Variants in PALM2AKAP2 observed in about 807,000 individuals in gnomAD.
PALM2AKAP2 encodes PALM2-AKAP2 fusion protein.
Under a neutral mutation model 71.5 loss-of-function variants are expected in PALM2AKAP2, and 37 were observed. The observed-to-expected ratio is 0.52, with a 90% CI of 0.40 to 0.68. The LOEUF (loss-of-function observed/expected upper bound fraction) is 0.68. Among genes scored for constraint, PALM2AKAP2 ranks in the 30% least tolerant of loss-of-function variants. The pLI is 0.00. For missense variants in PALM2AKAP2, 1,224 were observed against 1,191.8 expected, an observed-to-expected ratio of 1.03 and a Z score of -0.40; for synonymous variants, 468 against 478.8, an observed-to-expected ratio of 0.98 and a Z score of 0.29.
intron 1 of PALM2AKAP2, among the ~76,000 whole-genome samples, chr9:109,806,083 G>A (rs1587924265): frequency 1.3e-5 from 2 of 152,268 alleles, no homozygotes; most frequent in Non-Finnish European, 2.9e-5. Context: ...CTGTTAACAT[G>A]ACTTTATTAT....
At chr9:109,843,046 A>AGGAGAC (rs1419437433) in intron 1 of PALM2AKAP2, among the ~76,000 whole-genome samples, 1 of 148,200 alleles carries the variant, frequency 6.7e-6, no homozygotes, top group Non-Finnish European at 1.5e-5. Context: ...AGGCTGAGGC[A>AGGAGAC]GGAGACTCGC....
rs72447322 is a variant in PALM2AKAP2, at chr9:110,135,352, T to TAA, written c.157-760_157-759dup. Among the ~76,000 whole-genome samples, 7 of 76,826 alleles carry TAA rather than the reference T, an allele frequency of 9.1e-5. No individual in the cohort carries two copies. The East Asian group carries it at 1.1e-3, about 13-fold the overall frequency. 50.4% of individuals were successfully genotyped at this position (76,826 alleles called of 152,430 possible). ...CCTCAAGACAAAAAACCTCCTTCCTTAAAAAAAAAAAAAAAAGAAAAATAT... is the reference window on the plus strand; with the variant it reads ...CCTCAAGACAAAAAACCTCCTTCCTTAAAAAAAAAAAAAAAAAAGAAAAATAT... On this transcript the variant is annotated intron_variant, in intron 1 of 3. Coordinates refer to ENST00000374525, the Ensembl canonical transcript of PALM2AKAP2.
intron 1 of PALM2AKAP2, among the ~76,000 whole-genome samples, chr9:110,062,250 C>T (rs751793843): frequency 2.0e-5 from 3 of 152,054 alleles, no homozygotes; most frequent in Non-Finnish European, 4.4e-5. Flanking sequence ...TCCCTCCCCA[C>T]CCCCTCCAAG....
intron 1 of PALM2AKAP2, chr9:109,640,907 G>C (rs758304117): frequency 9.3e-6 from 14 of 1,502,730 alleles, no homozygotes; most frequent in Admixed American, 6.5e-5. Context: ...CTCTCCTCTC[G>C]GCATGTTGCC....
chr9:110,136,005 C>A, intron 1 of PALM2AKAP2, 122 bp from the exon 8 acceptor site: 1 of 1,260,158 alleles, frequency 7.9e-7, no homozygotes, highest in Non-Finnish European at 1.1e-6. Context: ...AATATCTATT[C>A]AAAAGAATTT....
intron 1 of PALM2AKAP2, among the ~76,000 whole-genome samples, chr9:110,126,580 C>T (rs916034110): frequency 6.6e-6 from 1 of 152,146 alleles, no homozygotes; most frequent in Non-Finnish European, 1.5e-5. Flanking sequence ...CGCTCAGTAT[C>T]CCTCATTGAG....
At chr9:109,673,039 A>C (rs1216302452) in intron 1 of PALM2AKAP2, among the ~76,000 whole-genome samples, 2 of 151,944 alleles carry the variant, frequency 1.3e-5, no homozygotes, top group African/African-American at 4.8e-5. Flanking sequence ...TTTTTCAAAA[A>C]ACCAACTCCT....
intron 1 of PALM2AKAP2, among the ~76,000 whole-genome samples, chr9:109,697,993 AT>A (rs1215717964): frequency 1.3e-5 from 2 of 152,190 alleles, no homozygotes; most frequent in East Asian, 3.8e-4. Context: ...CTGGTTACAA[AT>A]TATACACACA....
At chr9:109,640,803 G>A (rs1448740071) in exon 1 of PALM2AKAP2, 2 of 1,501,712 alleles carry the variant, frequency 1.3e-6, no homozygotes, top group African/African-American at 2.9e-5. Flanking sequence ...CTCGGCTCCG[G>A]GAGAGGCGAG....
chr9:109,848,271 C>T (rs1427779381), intron 1 of PALM2AKAP2, among the ~76,000 whole-genome samples: 2 of 152,234 alleles, frequency 1.3e-5, no homozygotes, highest in African/African-American at 2.4e-5. Flanking sequence ...TGTCCAGTGA[C>T]TTGCTCAAGG....
chr9:110,157,999 G>A (rs968585490), intron 3 of PALM2AKAP2, among the ~76,000 whole-genome samples: 1 of 152,204 alleles, frequency 6.6e-6, no homozygotes, highest in Non-Finnish European at 1.5e-5. Flanking sequence ...TGGCTCAGCT[G>A]CTGTATTAGG....
rs71373964 is a variant in PALM2AKAP2 at position 110,088,703 on chromosome 9, GTTTTTTTTTTT to G, written c.156+39870_156+39880del. Among the ~76,000 whole-genome samples, 29 of 75,626 alleles carry G rather than the reference GTTTTTTTTTTT, an allele frequency of 3.8e-4. No individual in the cohort carries two copies. In the East Asian group the frequency reaches 7.4e-3, roughly 19 times the overall value. The allele number at this position is 75,626 out of a possible 152,430, so 49.6% of individuals were successfully genotyped here. ...TAGCTATTAAAGTTTGCATTTACGT[GTTTTTTTTTTT>G]TTTTTTTTTTTTTTTTTTTTTCTGA... On this transcript the variant is annotated intron_variant, in intron 1 of 3. Coordinates refer to ENST00000374525, the Ensembl canonical transcript of PALM2AKAP2.
chr9:109,854,553 C>A (rs867418261), intron 1 of PALM2AKAP2, among the ~76,000 whole-genome samples: 3 of 152,066 alleles, frequency 2.0e-5, no homozygotes, highest in African/African-American at 7.2e-5. Flanking sequence ...TACTAGAAAA[C>A]ACAGAAGGAT....
chr9:109,931,543 G>A (rs1425873898), intron 5 of PALM2AKAP2, among the ~76,000 whole-genome samples: 1 of 152,184 alleles, frequency 6.6e-6, no homozygotes, highest in Non-Finnish European at 1.5e-5. Flanking sequence ...CTGTTTTTCA[G>A]TACTGTTTAA....
chr9:110,089,254 T>G (rs1453023637), intron 1 of PALM2AKAP2, among the ~76,000 whole-genome samples: 2 of 152,298 alleles, frequency 1.3e-5, no homozygotes, highest in East Asian at 3.9e-4. Flanking sequence ...CTCCTTTAAT[T>G]TCACTTGTTG....
rs147461476 is a variant in PALM2AKAP2, at chr9:109,849,894, C to T, written c.46-17597C>T. 2.1e-3 allele frequency among the ~76,000 whole-genome samples: 318 copies of T among 152,194 alleles called. 4 individuals are homozygous for T. The highest frequency in any genetic ancestry group is 7.5e-3 in the African/African-American group (311 of 41,512). Reference sequence around the variant, plus strand: ...TTTTTAAACCTTTCATTACATTAGGCCTTTATCAGATATTAGCACTGGTTC... The same window carrying T: ...TTTTTAAACCTTTCATTACATTAGGTCTTTATCAGATATTAGCACTGGTTC... On this transcript the variant is annotated intron_variant, in intron 1 of 9. Transcript: ENST00000302798.
intron 3 of PALM2AKAP2, among the ~76,000 whole-genome samples, chr9:109,882,014 G>T: frequency 6.6e-6 from 1 of 150,840 alleles, no homozygotes; most frequent in Non-Finnish European, 1.5e-5. Context: ...CTCCCGAGTA[G>T]CTGGGACTAC....
chr9:109,893,980 G>T (rs967878536), intron 3 of PALM2AKAP2, among the ~76,000 whole-genome samples: 1 of 137,490 alleles, frequency 7.3e-6, no homozygotes, highest in African/African-American at 2.8e-5. Flanking sequence ...TAAAATAAAA[G>T]TTGAAGGAAA....
intron 6 of PALM2AKAP2, among the ~76,000 whole-genome samples, chr9:109,998,630 G>A (rs868750782): frequency 7.1e-6 from 1 of 141,050 alleles, no homozygotes; most frequent in Non-Finnish European, 1.6e-5. Context: ...CCAGGGCGGG[G>A]GAGTGGGGAG....
Sources: allele counts gnomAD v4.1 joint callset (sites outside exome capture counted in the v4.1 genomes callset), GRCh38; gene constraint gnomAD v4.1.1; transcripts MANE v1.5; gene names NCBI Gene and HGNC (gene_info 2026-07-23, HGNC 2026-07-21).